Variants in NDUFAF6 observed in about 807,000 individuals in gnomAD.
The protein encoded by NDUFAF6 is NADH dehydrogenase (ubiquinone) complex I, assembly factor 6.
In NDUFAF6, 45 loss-of-function variants were observed where a neutral mutation model predicts 40.8. That is an observed-to-expected ratio of 1.10 (90% CI 0.87 to 1.42). NDUFAF6 has a LOEUF of 1.42. Ranked by LOEUF, NDUFAF6 falls within the 40% of genes most tolerant of loss-of-function variation. NDUFAF6 has a pLI of 0.00. For missense variants in NDUFAF6, 435 were observed against 418.5 expected (o/e 1.04, Z -0.34); for synonymous variants, 185 against 155.9 (o/e 1.19, Z -1.39).
At chr8:94,934,826 C>T (rs941304333) in intron 1 of NDUFAF6, among the ~76,000 whole-genome samples, 1 of 152,070 alleles carries the variant, frequency 6.6e-6, no homozygotes, top group African/African-American at 2.4e-5. Context: ...TGTTGGAATG[C>T]CTGAAACACC....
intron 1 of NDUFAF6, among the ~76,000 whole-genome samples, chr8:94,938,889 A>C (rs1283112851): frequency 6.6e-6 from 1 of 152,232 alleles, no homozygotes; most frequent in Non-Finnish European, 1.5e-5. Context: ...GCATAAGTAA[A>C]ACCTGGGGCT....
chr8:95,027,021 G>C lies in NDUFAF6; in HGVS notation c.197+1816G>C, dbSNP rs896669816. On this transcript the variant is annotated intron_variant, in intron 1 of 8. Transcript: ENST00000396124. ...AGTTTGCTCCATTGCACTCCAGCTG[G>C]GGCAACAGAGCAAGACCCTGTTTCA... 1.5e-4 allele frequency among the ~76,000 whole-genome samples: 23 copies of C among 152,256 alleles called. No homozygotes were observed. The South Asian group carries it at 2.5e-3, about 16-fold the overall frequency.
At chr8:94,930,514 C>G (rs1419512721) in intron 1 of NDUFAF6, 1 of 1,614,206 alleles carries the variant, frequency 6.2e-7, no homozygotes, top group South Asian at 1.1e-5. Context: ...GGCTGATGAA[C>G]AACCCAGCCA....
chr8:95,058,877 C>T (rs748646880), downstream of NDUFAF6, among the ~76,000 whole-genome samples: 3 of 152,048 alleles, frequency 2.0e-5, no homozygotes, highest in East Asian at 5.8e-4. Context: ...CATCCAAAAC[C>T]CCATCTCGAC....
intron 1 of NDUFAF6, among the ~76,000 whole-genome samples, chr8:94,971,870 G>A (rs1351281358): frequency 1.3e-5 from 2 of 151,932 alleles, no homozygotes; most frequent in African/African-American, 4.8e-5. Flanking sequence ...CTCTGGAGGC[G>A]GACGTTGCAG....
rs562044332 is a variant in NDUFAF6 at position 94,905,066 on chromosome 8, G to A, written c.-936+9139G>A. Among the ~76,000 whole-genome samples the A allele has an allele frequency of 1.2e-4, 18 of 152,132 alleles. No individual in the cohort carries two copies. In the East Asian group the frequency reaches 3.3e-3, roughly 28 times the overall value. ...AACATAACAATTATCTGGGCCCGGT[G>A]GTGCATACCTGTAATCCCAGCTACT... On this transcript the variant is annotated intron_variant, in intron 1 of 14. Coordinates refer to the NDUFAF6 transcript ENST00000396113.
chr8:94,940,257 T>C (rs1199837583), intron 1 of NDUFAF6: 6 of 1,558,208 alleles, frequency 3.9e-6, no homozygotes, highest in Middle Eastern at 1.7e-4. Context: ...ACATGTGTTG[T>C]TGAAGAGTCC....
At position 95,035,020 on chromosome 8, in the gene NDUFAF6, C is replaced by G. The variant is rs190473119; in HGVS notation, c.298-434C>G. ...TCAGTCTCCTGAGTAGCTGGGATTA[C>G]AGGCACCCACCACCACACCCGGCTA... On this transcript the variant is annotated intron_variant, in intron 2 of 8. Transcript: ENST00000396124. Among the ~76,000 whole-genome samples the G allele has an allele frequency of 4.9e-3, 749 of 152,146 alleles. 6 individuals carry two copies. The highest frequency in any genetic ancestry group is 0.016 in the African/African-American group (657 of 41,502).
At chr8:95,032,144 G>T (rs1207315359) in intron 2 of NDUFAF6, 50 bp downstream of exon 2, 1 of 1,434,642 alleles carries the variant, frequency 7.0e-7, no homozygotes, top group East Asian at 2.3e-5. Context: ...GTGATATAAG[G>T]TGTTTAATGC....
chr8:95,027,255 C>T (rs985158577), intron 1 of NDUFAF6, among the ~76,000 whole-genome samples: 9 of 151,812 alleles, frequency 5.9e-5, no homozygotes, highest in Non-Finnish European at 1.2e-4. Flanking sequence ...AGTATTAATC[C>T]CAGCTCTATC....
chr8:95,090,417 C>T (rs1199918523), intron 2 of NDUFAF6, among the ~76,000 whole-genome samples: 2 of 152,182 alleles, frequency 1.3e-5, no homozygotes, highest in African/African-American at 4.8e-5. Flanking sequence ...TTGGGTTCTG[C>T]CTTTATCTCA....
At chr8:95,103,458 T>G (rs1809719085), downstream of NDUFAF6, 1 of 152,238 alleles carries the variant, frequency 6.6e-6, no homozygotes, top group African/African-American at 2.4e-5. Context: ...CTTAACCAAA[T>G]TTAGAAACAA....
At chr8:95,032,172 T>C in intron 2 of NDUFAF6, 78 bp downstream of exon 2, 6 of 1,221,002 alleles carry the variant, frequency 4.9e-6, no homozygotes, top group South Asian at 1.2e-5. Context: ...TAAAGAAATA[T>C]AGTTGTAATT....
intron 2 of NDUFAF6, among the ~76,000 whole-genome samples, chr8:95,005,016 G>A (rs571697448): frequency 4.1e-4 from 63 of 152,176 alleles, no homozygotes; most frequent in Middle Eastern, 3.4e-3. Context: ...AATTAAAGTC[G>A]GTAATAATAA....
intron 9 of NDUFAF6, chr8:95,073,122 A>G (rs946960822): frequency 6.6e-6 from 1 of 152,610 alleles, no homozygotes; most frequent in Non-Finnish European, 1.5e-5. Context: ...AGACGCGCTG[A>G]GGGCTAGGAG....
chr8:94,949,848 A>G (rs1030934027), intron 2 of NDUFAF6, among the ~76,000 whole-genome samples: 2 of 152,034 alleles, frequency 1.3e-5, no homozygotes, highest in African/African-American at 4.8e-5. Flanking sequence ...GGCTGGGGCT[A>G]ACGCCTCCGA....
chr8:94,944,815 T>C (rs2131385930), intron 1 of NDUFAF6, among the ~76,000 whole-genome samples: 1 of 152,266 alleles, frequency 6.6e-6, no homozygotes, highest in East Asian at 1.9e-4. Flanking sequence ...AGTCTCACTG[T>C]TGGGAAAATG....
At chr8:95,004,389 G>A (rs1216344370) in intron 2 of NDUFAF6, among the ~76,000 whole-genome samples, 1 of 119,878 alleles carries the variant, frequency 8.3e-6, no homozygotes, top group East Asian at 2.4e-4. Flanking sequence ...GGGTCTTGCT[G>A]TGTCACCCAA....
intron 2 of NDUFAF6, among the ~76,000 whole-genome samples, chr8:94,999,124 CTTT>C (rs757137462): frequency 1.4e-5 from 2 of 139,398 alleles, no homozygotes; most frequent in Non-Finnish European, 1.6e-5. Context: ...TTCCATTCTA[CTTT>C]TTTTTTTTTT....
Sources: allele counts gnomAD v4.1 joint callset (sites outside exome capture counted in the v4.1 genomes callset), GRCh38; gene constraint gnomAD v4.1.1; transcripts MANE v1.5; gene names NCBI Gene and HGNC (gene_info 2026-07-23, HGNC 2026-07-21).